Variants in MYO3B observed in about 807,000 individuals in gnomAD.
MYO3B encodes myosin IIIB.
Under a neutral mutation model 174.6 loss-of-function variants are expected in MYO3B, and 156 were observed. The observed-to-expected ratio is 0.89, with a 90% confidence interval of 0.78 to 1.02. MYO3B has a LOEUF of 1.02. Ranked by LOEUF, MYO3B falls within the 50% of genes least tolerant of loss-of-function variation. MYO3B has a pLI of 0.00. For synonymous variants in MYO3B, 563 were observed against 569.1 expected, an observed-to-expected ratio of 0.99 and a Z score of 0.15; for missense variants, 1,632 against 1,639.4, an observed-to-expected ratio of 1.00 and a Z score of 0.08.
rs2094608598 is a variant in MYO3B, at chr2:170,420,623, C to G, written c.2650+12779C>G. ...CTAGCAAATGTTAATTACATGGGCT[C>G]CTCATCTTCATCAGTCTGCAGCTGG... On this transcript the variant is annotated intron_variant, in intron 22 of 34. Transcript: ENST00000408978. Among the ~76,000 whole-genome samples the G allele has an allele frequency of 2.0e-5, 3 of 152,280 alleles. No individual in the cohort carries two copies. The South Asian group carries it at 6.2e-4, about 32-fold the overall frequency.
chr2:170,367,020 G>A (rs2094204072), intron 8 of MYO3B, among the ~76,000 whole-genome samples: 1 of 86,306 alleles, frequency 1.2e-5, no homozygotes, highest in African/African-American at 3.2e-5. Context: ...ATATTAAGGA[G>A]GAAGGTAGAG....
At chr2:170,507,094 T>C (rs1159419699) in intron 28 of MYO3B, among the ~76,000 whole-genome samples, 1 of 152,230 alleles carries the variant, frequency 6.6e-6, no homozygotes, top group East Asian at 1.9e-4. Flanking sequence ...TCCAAACTCT[T>C]CTTGGCCGTA....
intron 25 of MYO3B, among the ~76,000 whole-genome samples, chr2:170,495,221 C>T (rs1686788199): frequency 6.6e-6 from 1 of 152,222 alleles, no homozygotes; most frequent in South Asian, 2.1e-4. Flanking sequence ...ACTCTCCCTT[C>T]CTGATGGACC....
At chr2:170,569,682 T>C (rs1043568017) in intron 32 of MYO3B, among the ~76,000 whole-genome samples, 3 of 151,604 alleles carry the variant, frequency 2.0e-5, no homozygotes, top group East Asian at 3.9e-4. Flanking sequence ...GCCAACATGG[T>C]GAAACCCCAT....
intron 1 of MYO3B, among the ~76,000 whole-genome samples, chr2:170,197,964 A>G (rs2092618544): frequency 6.6e-6 from 1 of 152,164 alleles, no homozygotes; most frequent in Admixed American, 6.5e-5. Flanking sequence ...GCCACACGTC[A>G]GACTGAGCAT....
chr2:170,359,012 T>C (rs2094142343), intron 8 of MYO3B, among the ~76,000 whole-genome samples: 2 of 152,034 alleles, frequency 1.3e-5, no homozygotes, highest in South Asian at 4.2e-4. Flanking sequence ...AGTAAAAGAA[T>C]AACTAAGAGA....
intron 32 of MYO3B, among the ~76,000 whole-genome samples, chr2:170,640,027 C>T (rs1038097125): frequency 1.3e-5 from 2 of 152,154 alleles, no homozygotes; most frequent in Admixed American, 6.5e-5. Flanking sequence ...TGAGCTTATG[C>T]CACCTTTTCA....
At chr2:170,514,890 C>T in intron 28 of MYO3B, 31 bp from the exon 29 acceptor site, 1 of 1,598,750 alleles carries the variant, frequency 6.3e-7, no homozygotes, top group Non-Finnish European at 8.6e-7. Flanking sequence ...GGAGCATAAC[C>T]TTGAGAAAGT....
chr2:170,612,777 G>C (rs985210872), intron 32 of MYO3B, among the ~76,000 whole-genome samples: 4 of 152,218 alleles, frequency 2.6e-5, no homozygotes, highest in Non-Finnish European at 4.4e-5. Flanking sequence ...TTGTGAACTA[G>C]AGAGAGGCTT....
At chr2:170,609,482 G>C (rs1297836817) in intron 32 of MYO3B, among the ~76,000 whole-genome samples, 1 of 152,136 alleles carries the variant, frequency 6.6e-6, no homozygotes, top group Non-Finnish European at 1.5e-5. Context: ...ACTGTGTGCA[G>C]GTGTGGAGGG....
At chr2:170,329,230 A>AGTGT (rs72422629) in intron 7 of MYO3B, among the ~76,000 whole-genome samples, 3,178 of 148,594 alleles carry the variant, frequency 0.021, 43 homozygotes, top group Middle Eastern at 0.059. Context: ...ACAGAAAAAC[A>AGTGT]GTGTGTGTGT....
chr2:170,399,526 A>C (rs2094462510), intron 16 of MYO3B, among the ~76,000 whole-genome samples: 1 of 151,648 alleles, frequency 6.6e-6, no homozygotes, highest in Non-Finnish European at 1.5e-5. Context: ...TAAAAATATA[A>C]TTTAATATAC....
chr2:170,532,782 C>T (rs1163128003), intron 30 of MYO3B, among the ~76,000 whole-genome samples: 2 of 144,196 alleles, frequency 1.4e-5, no homozygotes, highest in Non-Finnish European at 3.0e-5. Context: ...AGCCATTGCA[C>T]TCCAGTCTGG....
chr2:170,547,510 C>G (rs13412892), intron 32 of MYO3B, among the ~76,000 whole-genome samples: 1 of 152,148 alleles, frequency 6.6e-6, no homozygotes, highest in Admixed American at 6.5e-5. Context: ...TCTGGTTTTA[C>G]TAATGCAAAT....
intron 32 of MYO3B, among the ~76,000 whole-genome samples, chr2:170,593,403 G>A (rs139855151): frequency 0.018 from 2,775 of 152,258 alleles, 36 homozygotes; most frequent in Middle Eastern, 0.038. Flanking sequence ...ATGCCTGGCC[G>A]CATCTCCATT....
chr2:170,520,731 T>C (rs1688626387), intron 30 of MYO3B, among the ~76,000 whole-genome samples: 1 of 152,100 alleles, frequency 6.6e-6, no homozygotes, highest in African/African-American at 2.4e-5. Flanking sequence ...CCCGATACCC[T>C]GGCTAAATGT....
chr2:170,618,522 G>A (rs1200676988), intron 32 of MYO3B, among the ~76,000 whole-genome samples: 6 of 152,102 alleles, frequency 3.9e-5, no homozygotes, highest in Non-Finnish European at 8.8e-5. Context: ...CTGTCTCGTT[G>A]TTGCATGCAT....
intron 6 of MYO3B, among the ~76,000 whole-genome samples, chr2:170,229,343 C>T (rs1266473294): frequency 6.6e-6 from 1 of 152,182 alleles, no homozygotes; most frequent in Non-Finnish European, 1.5e-5. Flanking sequence ...TGCCTTGCCT[C>T]TTATTTAGCT....
intron 21 of MYO3B, among the ~76,000 whole-genome samples, chr2:170,406,353 A>C (rs184734670): frequency 6.6e-6 from 1 of 152,162 alleles, no homozygotes; most frequent in Non-Finnish European, 1.5e-5. Context: ...TTAATTTCAG[A>C]TGTATTGAAA....
Sources: gnomAD v4.1 joint callset for allele counts (sites outside exome capture counted in the v4.1 genomes callset) on GRCh38, gnomAD v4.1.1 for gene constraint, MANE v1.5 for transcripts, NCBI Gene and HGNC (gene_info 2026-07-23, HGNC 2026-07-21) for gene names.